TP63: variants seen among roughly 807,000 people sequenced by gnomAD.
The protein encoded by TP63 is tumor protein p63.
Under a neutral mutation model 82.8 loss-of-function variants are expected in TP63, and 17 were observed. That is an observed-to-expected ratio of 0.21 (90% CI 0.14 to 0.31). TP63 has a LOEUF of 0.31. Ranked by LOEUF, TP63 falls within the 10% of genes least tolerant of loss-of-function variation. The pLI is 1.00. For missense variants in TP63, 648 were observed against 895.3 expected (o/e 0.72, Z 3.52); for synonymous variants, 330 against 321.7 (o/e 1.03, Z -0.28).
At chr3:189,773,540 C>T (rs1253610861) in intron 3 of TP63, among the ~76,000 whole-genome samples, 1 of 152,168 alleles carries the variant, frequency 6.6e-6, no homozygotes, top group Admixed American at 6.5e-5. Context: ...TTTAGCAGAC[C>T]ATGACTCAAA....
chr3:189,644,585 G>GT (rs931429702), intron 1 of TP63, among the ~76,000 whole-genome samples: 1 of 152,032 alleles, frequency 6.6e-6, no homozygotes, highest in African/African-American at 2.4e-5. Context: ...ACATGGATAC[G>GT]TTTTTTAATG....
At chr3:189,799,986 T>G (rs1726114988) in intron 3 of TP63, among the ~76,000 whole-genome samples, 2 of 152,184 alleles carry the variant, frequency 1.3e-5, no homozygotes, top group African/African-American at 4.8e-5. Context: ...ATTCTCTCAT[T>G]AACTTATTGC....
rs1721345968 is a variant in TP63 at position 189,894,746 on chromosome 3, A to C, written c.*244A>C. On this transcript the variant is annotated 3_prime_UTR_variant, in exon 14 of 14. Transcript: ENST00000264731. ...TAGCTGCCATGGCTAGGTAGAAGTG[A>C]GCAAAAAAGAGTTGGGTGTCTCCTT... 1 of 533,950 alleles carries C rather than the reference A, an allele frequency of 1.9e-6. No homozygotes were observed. The highest frequency in any genetic ancestry group is 2.3e-5 in the South Asian group (1 of 42,812). The allele number at this position is 533,950 out of a possible 1,614,324, so 33.1% of individuals were successfully genotyped here. A position where few individuals can be genotyped will look rare whatever the true frequency, so the allele number is the denominator to read the frequency against.
intron 4 of TP63, among the ~76,000 whole-genome samples, chr3:189,827,817 A>G (rs1711636376): frequency 6.6e-6 from 1 of 152,212 alleles, no homozygotes; most frequent in East Asian, 1.9e-4. Flanking sequence ...AAGTGTTAAG[A>G]AAACATGGAA....
At chr3:189,848,684 G>C (rs1715249617) in intron 4 of TP63, among the ~76,000 whole-genome samples, 1 of 152,138 alleles carries the variant, frequency 6.6e-6, no homozygotes, top group East Asian at 1.9e-4. Flanking sequence ...TGTAGTAAAA[G>C]CATTATCTTC....
At chr3:189,759,902 T>C (rs1446062974) in intron 3 of TP63, among the ~76,000 whole-genome samples, 1 of 152,168 alleles carries the variant, frequency 6.6e-6, no homozygotes, top group Admixed American at 6.5e-5. Context: ...ACGATCATGG[T>C]GGAAGGCAAG....
chr3:189,815,983 C>T (rs4553956), intron 4 of TP63, among the ~76,000 whole-genome samples: 117,774 of 152,102 alleles, frequency 0.77, 46,137 homozygotes, highest in East Asian at 0.9. Flanking sequence ...AATCTAATGG[C>T]ATGCAGGATT....
At chr3:189,685,659 A>AAAAAG (rs906874925) in intron 1 of TP63, among the ~76,000 whole-genome samples, 5 of 152,336 alleles carry the variant, frequency 3.3e-5, no homozygotes, top group Admixed American at 3.3e-4. Context: ...GAAGAATAGG[A>AAAAAG]AAAAGAAAAG....
chr3:189,613,736 A>G, the TP63 span, among the ~76,000 whole-genome samples: 1 of 152,170 alleles, frequency 6.6e-6, no homozygotes, highest in Non-Finnish European at 1.5e-5. Context: ...GCCCAAGACC[A>G]TGGGAACCTA....
At chr3:189,621,404 G>A in the TP63 span, among the ~76,000 whole-genome samples, 2 of 151,794 alleles carry the variant, frequency 1.3e-5, no homozygotes, top group Admixed American at 1.3e-4. Context: ...GAAAATTAGA[G>A]AATAAACTTG....
intron 2 of TP63, 101 bp from the exon 3 acceptor site, chr3:189,738,541 T>G: frequency 3.2e-6 from 5 of 1,566,460 alleles, no homozygotes; most frequent in Non-Finnish European, 4.4e-6. Flanking sequence ...CCAATGAGCC[T>G]TGCTGACTTT....
the TP63 span, among the ~76,000 whole-genome samples, chr3:189,598,802 C>A: frequency 6.6e-6 from 1 of 152,170 alleles, no homozygotes; most frequent in African/African-American, 2.4e-5. Context: ...ACAGGTAAGG[C>A]ATTCATCTGA....
intron 4 of TP63, among the ~76,000 whole-genome samples, chr3:189,839,059 A>AAAAAG (rs1713590315): frequency 1.5e-5 from 2 of 136,776 alleles, no homozygotes; most frequent in African/African-American, 2.6e-5. Context: ...AAAAAAAAAA[A>AAAAAG]AAAAAGAAAA....
intron 1 of TP63, among the ~76,000 whole-genome samples, chr3:189,661,011 A>G (rs180790874): frequency 6.6e-6 from 1 of 152,178 alleles, no homozygotes; most frequent in Admixed American, 6.5e-5. Flanking sequence ...GTGTAAAATC[A>G]TATCAGCAAA....
At chr3:189,730,817 A>G (rs775245938) in intron 1 of TP63, among the ~76,000 whole-genome samples, 3 of 152,218 alleles carry the variant, frequency 2.0e-5, no homozygotes, top group Non-Finnish European at 2.9e-5. Context: ...CAGGAGATCT[A>G]GTAGCATCAA....
intron 1 of TP63, among the ~76,000 whole-genome samples, chr3:189,682,545 AAAAAAAAAATATATATATAT>A (rs1347844334): frequency 5.6e-5 from 4 of 71,252 alleles, no homozygotes; most frequent in African/African-American, 1.8e-4. Context: ...GGAAAAAAAA[AAAAAAAAAATATATATATAT>A]ATATATATAT....
chr3:189,805,663 A>C (rs1726805356), intron 3 of TP63, among the ~76,000 whole-genome samples: 1 of 152,174 alleles, frequency 6.6e-6, no homozygotes, highest in Non-Finnish European at 1.5e-5. Flanking sequence ...AATAGGAAGG[A>C]AGGCCAGTGA....
chr3:189,789,679 G>A (rs1464503173), intron 3 of TP63: 3 of 1,457,700 alleles, frequency 2.1e-6, no homozygotes, highest in African/African-American at 3.0e-5. Context: ...AAGAGAGAGA[G>A]GGACTTGAGT....
rs777691114 is a variant in TP63, at chr3:189,866,788, G to A, written c.873G>A (p.Glu291=). Residue 291 remains glutamate, a synonymous_variant, in exon 6 of 14, where the codon GAG becomes GAA. Transcript: ENST00000264731. ...TGRQSVLVPY[E]PPQVGTEFTT... is the part of the protein sequence containing the mutation. ...GACAGAGTGTGCTGGTACCTTATGA[G>A]CCACCCCAGGTAAAAAGCAAAAAAC... 5.0e-6 allele frequency: 8 copies of A among 1,613,840 alleles called. No homozygotes were observed. The South Asian group carries it at 8.8e-5, about 18-fold the overall frequency.
Sources: gnomAD v4.1 joint callset for allele counts (sites outside exome capture counted in the v4.1 genomes callset) on GRCh38, gnomAD v4.1.1 for gene constraint, MANE v1.5 for transcripts, NCBI Gene and HGNC (gene_info 2026-07-23, HGNC 2026-07-21) for gene names.